Variants in TNFRSF13B observed in about 807,000 individuals in gnomAD.
The protein encoded by TNFRSF13B is TNF receptor superfamily member 13B, also known as tumor necrosis factor receptor superfamily member 13B.
TNFRSF13B carries 34 observed loss-of-function variants against 24.0 expected under a neutral mutation model. The ratio of observed to expected loss-of-function variants is 1.41; its 90% CI spans 1.08 to 1.88. The LOEUF is 1.88. Among genes scored for constraint, TNFRSF13B ranks in the 40% most tolerant of loss-of-function variants. The pLI is 0.00. For synonymous variants in TNFRSF13B, 173 were observed against 150.3 expected (o/e 1.15, Z -1.10); for missense variants, 415 against 380.8 (o/e 1.09, Z -0.75).
At chr17:16,967,692 C>T (rs1200115080) in intron 1 of TNFRSF13B, among the ~76,000 whole-genome samples, 4 of 127,556 alleles carry the variant, frequency 3.1e-5, no homozygotes, top group Non-Finnish European at 6.2e-5. Flanking sequence ...GCGGGGCTTG[C>T]AGTGAGTGGG....
At chr17:16,963,346 G>A (rs2087676168) in intron 1 of TNFRSF13B, among the ~76,000 whole-genome samples, 2 of 152,190 alleles carry the variant, frequency 1.3e-5, no homozygotes, top group Admixed American at 6.5e-5. Context: ...CTGTTGGCGT[G>A]AGCCAACTCC....
At chr17:16,956,925 C>T (rs1281932273) in intron 1 of TNFRSF13B, among the ~76,000 whole-genome samples, 3 of 152,082 alleles carry the variant, frequency 2.0e-5, no homozygotes, top group Non-Finnish European at 2.9e-5. Context: ...CAAGATACTC[C>T]GATGGTGGAC....
intron 1 of TNFRSF13B, among the ~76,000 whole-genome samples, chr17:16,967,014 T>G (rs1454862540): frequency 6.6e-6 from 1 of 152,008 alleles, no homozygotes; most frequent in Non-Finnish European, 1.5e-5. Context: ...AATTTTTGTA[T>G]TTTTAGTAGA....
intron 1 of TNFRSF13B, among the ~76,000 whole-genome samples, chr17:16,966,624 A>G (rs2087701591): frequency 6.6e-6 from 1 of 152,154 alleles, no homozygotes; most frequent in African/African-American, 2.4e-5. Flanking sequence ...TCATTGTGGA[A>G]GGAGAGTAAA....
At chr17:16,963,249 A>G (rs72835987) in intron 1 of TNFRSF13B, among the ~76,000 whole-genome samples, 13,408 of 152,198 alleles carry the variant, frequency 0.088, 863 homozygotes, top group Non-Finnish European at 0.13. Context: ...TGCCCTTATT[A>G]ATATTGCCAT....
chr17:16,940,266 G>A, intron 4 of TNFRSF13B, 60 bp downstream of exon 4: 1 of 1,611,600 alleles, frequency 6.2e-7, no homozygotes, highest in Middle Eastern at 2.2e-4. Context: ...ACCGAGGGAT[G>A]GCCCGAGGCT....
intron 1 of TNFRSF13B, among the ~76,000 whole-genome samples, chr17:16,967,479 G>A (rs974423035): frequency 6.6e-6 from 1 of 151,942 alleles, no homozygotes; most frequent in Non-Finnish European, 1.5e-5. Flanking sequence ...ACCAGGCCGG[G>A]CGCAGTGGCT....
chr17:16,966,181 T>C (rs1243949762), intron 1 of TNFRSF13B, among the ~76,000 whole-genome samples: 1 of 150,734 alleles, frequency 6.6e-6, no homozygotes, highest in Non-Finnish European at 1.5e-5. Flanking sequence ...TCGAACCCAG[T>C]TGGGGGAAGT....
intron 3 of TNFRSF13B, chr17:16,941,546 G>A (rs980766047): frequency 5.1e-6 from 5 of 987,428 alleles, no homozygotes; most frequent in Non-Finnish European, 4.8e-6. Flanking sequence ...ACTTCGTGCC[G>A]GGCACTTCCC....
At chr17:16,958,147 G>A (rs955844878) in intron 1 of TNFRSF13B, among the ~76,000 whole-genome samples, 7 of 151,830 alleles carry the variant, frequency 4.6e-5, no homozygotes, top group Admixed American at 2.0e-4. Context: ...ATGACCTACC[G>A]AAACTAAGTT....
At chr17:16,949,619 T>G (rs1229224371) in intron 2 of TNFRSF13B, among the ~76,000 whole-genome samples, 1 of 152,046 alleles carries the variant, frequency 6.6e-6, no homozygotes, top group Non-Finnish European at 1.5e-5. Context: ...TGGACCCAAC[T>G]TTGAATGCAT....
chr17:16,944,575 C>T lies in TNFRSF13B; in HGVS notation c.446-4064G>A, dbSNP rs534040172. ...GAAGCCTTCCTTGTCCCCGTGTCAC[C>T]TGCAGCTGGGTTACGTGGCTCCCGT... On this transcript the variant is annotated intron_variant, in intron 3 of 4. Coordinates refer to ENST00000261652, the MANE Select transcript of TNFRSF13B (RefSeq NM_012452.3). 4.6e-5 allele frequency among the ~76,000 whole-genome samples: 7 copies of T among 152,300 alleles called. No individual in the cohort carries two copies. In the South Asian group the frequency reaches 1.2e-3, roughly 27 times the overall value.
intron 1 of TNFRSF13B, among the ~76,000 whole-genome samples, chr17:16,966,193 G>A (rs1047628585): frequency 6.6e-6 from 1 of 151,626 alleles, no homozygotes; most frequent in Non-Finnish European, 1.5e-5. Flanking sequence ...GGGGGAAGTT[G>A]CAGTGAGCCG....
At chr17:16,967,507 C>A (rs2087710111) in intron 1 of TNFRSF13B, among the ~76,000 whole-genome samples, 1 of 151,800 alleles carries the variant, frequency 6.6e-6, no homozygotes, top group South Asian at 2.1e-4. Context: ...GTAATCCCAG[C>A]ACTTTGGGAG....
intron 1 of TNFRSF13B, among the ~76,000 whole-genome samples, chr17:16,953,011 A>C (rs1331616220): frequency 6.6e-6 from 1 of 152,060 alleles, no homozygotes; most frequent in Admixed American, 6.5e-5. Flanking sequence ...CCTGATCTCC[A>C]AGGGAAGCCT....
intron 1 of TNFRSF13B, among the ~76,000 whole-genome samples, chr17:16,961,072 G>A (rs1371622485): frequency 6.6e-6 from 1 of 152,188 alleles, no homozygotes. Context: ...ACACCCATTA[G>A]GATGGCTATT....
rs537943008 is a variant in TNFRSF13B, at chr17:16,945,229, C to T, written c.445+3509G>A. On this transcript the variant is annotated intron_variant, in intron 3 of 4. Coordinates refer to ENST00000261652, the MANE Select transcript of TNFRSF13B (RefSeq NM_012452.3). ...ACACATCCTCACACAGCCCCCAATG[C>T]TCACAGCCTTGGGCTCCATCCCTGG... Among the ~76,000 whole-genome samples, 5 of 152,362 alleles carry T rather than the reference C, an allele frequency of 3.3e-5. No homozygotes were observed. The South Asian group carries it at 8.3e-4, about 25-fold the overall frequency.
chr17:16,949,551 C>A (rs748731040), intron 2 of TNFRSF13B, among the ~76,000 whole-genome samples: 1 of 152,068 alleles, frequency 6.6e-6, no homozygotes, highest in Non-Finnish European at 1.5e-5. Context: ...GTATCAGTGC[C>A]AAGGCACAGA....
intron 3 of TNFRSF13B, among the ~76,000 whole-genome samples, chr17:16,944,931 C>T (rs1380316896): frequency 1.3e-5 from 2 of 152,148 alleles, no homozygotes; most frequent in African/African-American, 2.4e-5. Flanking sequence ...GCTCTCTGCC[C>T]TTGAATAGGT....
Sources: gnomAD v4.1 joint callset for allele counts (sites outside exome capture counted in the v4.1 genomes callset) on GRCh38, gnomAD v4.1.1 for gene constraint, MANE v1.5 for transcripts, NCBI Gene and HGNC (gene_info 2026-07-23, HGNC 2026-07-21) for gene names.